The following NLRP14 variants were observed in gnomAD, a reference collection of about 807,000 sequenced individuals.
NLRP14 encodes NACHT, LRR and PYD domains-containing protein 14.
In NLRP14, 105 loss-of-function variants were observed where a neutral mutation model predicts 94.7. That is an observed-to-expected ratio of 1.11 (90% CI 0.95 to 1.30). NLRP14 has a LOEUF of 1.30. Ranked by LOEUF, NLRP14 falls within the 50% of genes most tolerant of loss-of-function variation. NLRP14 has a pLI of 0.00. For missense variants in NLRP14, 1,362 were observed against 1,254.1 expected (o/e 1.09, Z -1.30); for synonymous variants, 508 against 459.9 (o/e 1.10, Z -1.34).
Position 7,043,970 on chromosome 11 carries a change from C to G in NLRP14, c.1944C>G (p.Leu648=), listed in dbSNP as rs770357925. ...AGAAGAAGATATTAAAAACAAGCCT[C>G]CCAACTAACACTTGGTAAGTGTGTT... is the stretch of plus-strand genomic sequence containing the variant. The part of the protein sequence containing the change: ...VFEKKILKTS[L]PTNTWDGDRI... The change falls in exon 4 of 12, where the codon CTC becomes CTG. Residue 648 remains leucine (L), a synonymous_variant. Transcript: ENST00000299481. 3.2e-5 allele frequency: 52 copies of G among 1,613,998 alleles called. No homozygotes were observed. The highest frequency in any genetic ancestry group is 1.6e-4 in the Middle Eastern group (1 of 6,084).
intron 1 of NLRP14, among the ~76,000 whole-genome samples, chr11:7,034,550 A>ACTTCAGTTG (rs1247420301): frequency 6.6e-6 from 1 of 152,210 alleles, no homozygotes; most frequent in Non-Finnish European, 1.5e-5. Flanking sequence ...ATTAATTTAC[A>ACTTCAGTTG]CTTCAGTTGT....
intron 1 of NLRP14, among the ~76,000 whole-genome samples, chr11:7,031,739 C>G (rs1184791270): frequency 6.6e-6 from 1 of 152,168 alleles, no homozygotes; most frequent in Non-Finnish European, 1.5e-5. Flanking sequence ...TTCATTCACT[C>G]TGAGTCTTCC....
intron 6 of NLRP14, among the ~76,000 whole-genome samples, chr11:7,050,351 T>C (rs902021143): frequency 1.3e-5 from 2 of 152,194 alleles, no homozygotes; most frequent in African/African-American, 4.8e-5. Flanking sequence ...TCAAGGTGCT[T>C]GCTGGCTACC....
intron 9 of NLRP14, among the ~76,000 whole-genome samples, chr11:7,061,981 T>G (rs1248284290): frequency 2.0e-5 from 3 of 152,002 alleles, no homozygotes; most frequent in African/African-American, 7.2e-5. Context: ...CCAGGAAACT[T>G]TTTTCACTTA....
downstream of NLRP14, among the ~76,000 whole-genome samples, chr11:7,074,055 A>G (rs1852839522): frequency 6.6e-6 from 1 of 152,152 alleles, no homozygotes; most frequent in Admixed American, 6.6e-5. Context: ...GGAGCCTCCA[A>G]CTACCAGCCA....
the NLRP14 span, chr11:7,089,735 C>A: frequency 6.5e-7 from 1 of 1,545,176 alleles, no homozygotes; most frequent in South Asian, 1.2e-5. Context: ...GCCGCGACCC[C>A]TACCTGGGCC....
chr11:7,080,490 G>C, the NLRP14 span, among the ~76,000 whole-genome samples: 1 of 152,154 alleles, frequency 6.6e-6, no homozygotes, highest in Non-Finnish European at 1.5e-5. Flanking sequence ...GTCCATGCAT[G>C]TTTGTGTCTT....
the NLRP14 span, chr11:7,090,410 T>G: frequency 2.3e-6 from 3 of 1,311,602 alleles, no homozygotes; most frequent in East Asian, 7.5e-5. Context: ...TGTTTTTACC[T>G]TTTAAGAATT....
In NLRP14 at chr11:7,058,446, CT is replaced by C. The variant is rs1852555728; in HGVS notation, c.2631del (p.Val878CysfsTer2). On this transcript the variant is annotated frameshift_variant, in exon 8 of 12. Transcript: ENST00000299481. LOFTEE classifies it high-confidence loss of function. ...ACATGCACAATGTACTCTGAAGAGCCTTGTGTAAGTGTCTTCAAGTTTTTAT... is the reference window on the plus strand; with the variant it reads ...ACATGCACAATGTACTCTGAAGAGCCTGTGTAAGTGTCTTCAAGTTTTTAT... ...LQHAQCTLKS[L>X]VLRRCHFTSL... The C allele has an allele frequency of 6.2e-7, 1 of 1,608,682 alleles. No individual in the cohort carries two copies. The highest frequency in any genetic ancestry group is 8.5e-7 in the Non-Finnish European group (1 of 1,175,538).
chr11:7,062,046 A>T (rs1446930785), intron 9 of NLRP14, among the ~76,000 whole-genome samples: 1 of 152,030 alleles, frequency 6.6e-6, no homozygotes, highest in East Asian at 1.9e-4. Context: ...GGGAAAGTTT[A>T]TATTCATTTT....
At chr11:7,024,325 C>T (rs1237701594) in intron 1 of NLRP14, among the ~76,000 whole-genome samples, 1 of 152,030 alleles carries the variant, frequency 6.6e-6, no homozygotes, top group African/African-American at 2.4e-5. Flanking sequence ...CAAAAAATAC[C>T]AAGAGGGAAA....
chr11:7,038,901 G>A, intron 2 of NLRP14, 26 bp downstream of exon 2: 1 of 1,609,548 alleles, frequency 6.2e-7, no homozygotes, highest in Non-Finnish European at 8.5e-7. Context: ...GGCAAATCGG[G>A]GGCTAGGCAG....
chr11:7,046,581 A>G lies in NLRP14; in HGVS notation c.1959-87A>G, dbSNP rs1565018497. On this transcript the variant is annotated intron_variant, in intron 4 of 11. Transcript: ENST00000299481. ...GCTCTTGCCTTTCCAAAGTACACTT[A>G]CTTTTACTCCAATACTATCCTCTGA... 15 of 1,285,036 alleles carry G rather than the reference A, an allele frequency of 1.2e-5. No homozygotes were observed. In the South Asian group the frequency reaches 1.4e-4, roughly 12 times the overall value. The allele number at this position is 1,285,036 out of a possible 1,614,324, so 79.6% of individuals were successfully genotyped here. A position where few individuals can be genotyped will look rare whatever the true frequency, so the allele number is the denominator to read the frequency against.
intron 6 of NLRP14, 61 bp from the exon 7 acceptor site, chr11:7,057,616 G>T: frequency 1.4e-6 from 2 of 1,456,982 alleles, no homozygotes; most frequent in East Asian, 2.3e-5. Flanking sequence ...GGATCGGTAG[G>T]TGTTGGTTGT....
Position 7,062,388 on chromosome 11 carries a change from T to A in NLRP14, c.2860T>A (p.Leu954Met), listed in dbSNP as rs1231182571. The A allele has an allele frequency of 1.4e-5, 23 of 1,613,224 alleles. No individual in the cohort carries two copies. The East Asian group carries it at 5.1e-4, about 36-fold the overall frequency. ...ACCLDLASVILNNPNLRSLDL... is the reference protein window; with the variant it reads ...ACCLDLASVIMNNPNLRSLDL... ...TTGTCTGGATCTGGCTTCTGTTATT[T>A]TGAATAACCCAAACCTGAGGAGCCT... Residue 954 changes from leucine to methionine, a missense_variant, in exon 10 of 12, where the codon TTG (leucine) becomes ATG (methionine). Physicochemically the swap from Leu to Met is conservative, Grantham distance 15. Transcript: ENST00000299481.
intron 1 of NLRP14, among the ~76,000 whole-genome samples, chr11:7,026,205 A>G (rs1271692409): frequency 6.6e-6 from 1 of 152,218 alleles, no homozygotes; most frequent in Non-Finnish European, 1.5e-5. Context: ...AACTACCATC[A>G]GAGTGAACAG....
intron 1 of NLRP14, among the ~76,000 whole-genome samples, chr11:7,022,631 A>G (rs1851962895): frequency 6.6e-6 from 1 of 152,194 alleles, no homozygotes; most frequent in Non-Finnish European, 1.5e-5. Context: ...GGGAAAGAAG[A>G]TAAGAAGAAA....
intron 4 of NLRP14, 118 bp from the exon 5 acceptor site, chr11:7,046,550 C>A: frequency 1.1e-6 from 1 of 929,738 alleles, no homozygotes; most frequent in Non-Finnish European, 1.8e-6. Flanking sequence ...TGGAGCTGCA[C>A]TGGATGCTCT....
intron 1 of NLRP14, among the ~76,000 whole-genome samples, chr11:7,028,184 T>C (rs1281927404): frequency 6.6e-6 from 1 of 152,228 alleles, no homozygotes; most frequent in Non-Finnish European, 1.5e-5. Flanking sequence ...CAATGTTTAA[T>C]AGGCATCCCA....
Sources: allele counts gnomAD v4.1 joint callset (sites outside exome capture counted in the v4.1 genomes callset), GRCh38; gene constraint gnomAD v4.1.1; transcripts MANE v1.5; gene names NCBI Gene and HGNC (gene_info 2026-07-23, HGNC 2026-07-21).